Variants in GJC1 observed in about 807,000 individuals in gnomAD.
GJC1 encodes gap junction protein gamma 1, also known as gap junction gamma-1 protein.
In GJC1, 5 loss-of-function variants were observed where a neutral mutation model predicts 29.3. The ratio of observed to expected loss-of-function variants is 0.17; its 90% CI spans 0.09 to 0.36. The LOEUF (loss-of-function observed/expected upper bound fraction) is 0.36. Ranked by LOEUF, GJC1 falls within the 10% of genes least tolerant of loss-of-function variation. The pLI, the probability that GJC1 is intolerant of heterozygous loss-of-function variation, is 1.00. For synonymous variants in GJC1, 177 were observed against 183.3 expected, an observed-to-expected ratio of 0.97 and a Z score of 0.28; for missense variants, 310 against 496.2, an observed-to-expected ratio of 0.62 and a Z score of 3.56.
intron 2 of GJC1, among the ~76,000 whole-genome samples, chr17:44,806,896 TAAG>T (rs1171166136): frequency 1.3e-5 from 2 of 151,896 alleles, no homozygotes; most frequent in East Asian, 1.9e-4. Context: ...TAAAAGGGAT[TAAG>T]AAGATGGTAC....
Position 44,805,334 on chromosome 17 carries a change from GCT to G in GJC1, c.482_483del (p.Lys161ThrfsTer2). 1 of 1,614,204 alleles carries G rather than the reference GCT, an allele frequency of 6.2e-7. No homozygotes were observed. The highest frequency in any genetic ancestry group is 8.5e-7 in the Non-Finnish European group (1 of 1,180,026). On this transcript the variant is annotated frameshift_variant, in exon 3 of 3. Transcript: ENST00000592524. LOFTEE classifies it high-confidence loss of function. This position sits in a 1 kb window ranked among gnomAD's most constrained non-coding sequence, Gnocchi z 5.1. ...TCCCGAATCCGTCGTCGGCCATCAT[GCT>G]TAGGTTTGGGTTGGCTCTGCTCTTT... Reference protein sequence around the residue: ...ENKEQSQPKPKHDGRRRIRED... With the variant: ...ENKEQSQPKPXHDGRRRIRED...
rs188432869 is a variant in GJC1, at chr17:44,810,382, T to C, written c.-96-2913A>G. 4.2e-3 allele frequency among the ~76,000 whole-genome samples: 643 copies of C among 152,322 alleles called. 1 individual carries two copies. The highest frequency in any genetic ancestry group is 6.6e-3 in the Non-Finnish European group (448 of 68,022). ...AATAAAATTTTCTTGGGGGGAAGAA[T>C]TGGTGATAAATCCTTCAGAGCTTAT... is the stretch of plus-strand genomic sequence containing the variant. On this transcript the variant is annotated intron_variant, in intron 1 of 2. Coordinates refer to ENST00000592524, the MANE Select transcript of GJC1 (RefSeq NM_005497.4).
chr17:44,809,194 G>A (rs2049945988), intron 1 of GJC1, among the ~76,000 whole-genome samples: 1 of 152,160 alleles, frequency 6.6e-6, no homozygotes, highest in African/African-American at 2.4e-5. Context: ...TTGGGAGCTT[G>A]AGACTGCAAT....
At chr17:44,811,112 T>C (rs1444161350) in intron 1 of GJC1, among the ~76,000 whole-genome samples, 1 of 151,956 alleles carries the variant, frequency 6.6e-6, no homozygotes, top group Non-Finnish European at 1.5e-5. Flanking sequence ...AGTTTCGCTT[T>C]TGTTGCCCAA....
chr17:44,796,385 A>G (rs1470168866), downstream of GJC1, among the ~76,000 whole-genome samples: 1 of 152,168 alleles, frequency 6.6e-6, no homozygotes, highest in East Asian at 1.9e-4. Flanking sequence ...TCACTGATAG[A>G]TTATTTGGCT....
intron 2 of GJC1, among the ~76,000 whole-genome samples, chr17:44,806,917 A>G (rs1177717086): frequency 1.3e-5 from 2 of 152,150 alleles, no homozygotes; most frequent in African/African-American, 4.8e-5. Flanking sequence ...TACAGCTACA[A>G]ACTGCTGGCA....
At chr17:44,813,461 C>T (rs2050006709) in intron 1 of GJC1, among the ~76,000 whole-genome samples, 1 of 147,956 alleles carries the variant, frequency 6.8e-6, no homozygotes, top group Non-Finnish European at 1.5e-5. Context: ...GGATACTCTT[C>T]CCTTTCCTCT....
chr17:44,797,309 T>C (rs1318813140), downstream of GJC1, among the ~76,000 whole-genome samples: 1 of 152,178 alleles, frequency 6.6e-6, no homozygotes, highest in Non-Finnish European at 1.5e-5. Flanking sequence ...GGTTTCACCA[T>C]GTTAGCCAGA....
chr17:44,804,798 C>T lies in GJC1; in HGVS notation c.1020G>A (p.Arg340=). 1 of 1,614,210 alleles carries T rather than the reference C, an allele frequency of 6.2e-7. No homozygotes were observed. The highest frequency in any genetic ancestry group is 1.7e-5 in the Admixed American group (1 of 60,022). ...AGCGTTCCTGAGCCATCCTGATCTC[C>T]CGCTGCAGAGCCTCCAGGTCAGCTG... ...NLPADLEALQ[R]EIRMAQERLD... is the part of the protein sequence containing the mutation. The change falls in exon 3 of 3, where the codon CGG becomes CGA. Residue 340 remains arginine, a synonymous_variant. Transcript: ENST00000592524.
intron 1 of GJC1, among the ~76,000 whole-genome samples, chr17:44,817,277 C>T (rs1347001664): frequency 2.6e-5 from 4 of 152,144 alleles, no homozygotes; most frequent in Non-Finnish European, 5.9e-5. Flanking sequence ...GTAGTGAAGC[C>T]AGAATTTGAA....
At chr17:44,826,203 T>C (rs2050174350) in intron 1 of GJC1, among the ~76,000 whole-genome samples, 1 of 152,146 alleles carries the variant, frequency 6.6e-6, no homozygotes, top group Non-Finnish European at 1.5e-5. Context: ...ATTATAAGCA[T>C]CAGCCACCAC....
intron 1 of GJC1, among the ~76,000 whole-genome samples, chr17:44,819,902 G>A (rs1262500641): frequency 6.6e-6 from 1 of 151,870 alleles, no homozygotes; most frequent in Non-Finnish European, 1.5e-5. Context: ...TCGTCACCCA[G>A]GCTGTAGTGC....
At chr17:44,827,625 G>A (rs904398350) in intron 1 of GJC1, among the ~76,000 whole-genome samples, 3 of 151,766 alleles carry the variant, frequency 2.0e-5, no homozygotes, top group Non-Finnish European at 2.9e-5. Context: ...GGGCATCATA[G>A]CAATGTCTTT....
chr17:44,804,568 T>C lies in GJC1; in HGVS notation c.*59A>G. 7.9e-7 allele frequency: 1 copy of C among 1,267,230 alleles called. No individual in the cohort carries two copies. Among genetic ancestry groups the C allele is most frequent in the Non-Finnish European group, 1.1e-6 (1 of 892,914 alleles). The allele number at this position is 1,267,230 out of a possible 1,614,324, so 78.5% of individuals were successfully genotyped here. On this transcript the variant is annotated 3_prime_UTR_variant, in exon 3 of 3. Transcript: ENST00000592524. ...AATGTTTACTCAATGGAAGTCATTA[T>C]TCAGTGAGCTGCTGCTTACCATAAA...
rs763467818 is a variant in GJC1 at position 44,804,763 on chromosome 17, G to A, written c.1055C>T (p.Ala352Val). ...IRMAQERLDL[A>V]VQAYSHQNNP... is the part of the protein sequence containing the mutation. ...GTTTTGGTGACTGTAGGCCTGAACT[G>A]CCAGATCCAAGCGTTCCTGAGCCAT... Residue 352 changes from alanine (A) to valine (V), a missense_variant, in exon 3 of 3, where the codon GCA becomes GTA. Transcript: ENST00000592524. The A allele has an allele frequency of 2.5e-6, 4 of 1,614,150 alleles. No individual in the cohort carries two copies. In the East Asian group the frequency reaches 8.9e-5, roughly 36 times the overall value.
intron 1 of GJC1, among the ~76,000 whole-genome samples, chr17:44,815,540 C>G (rs955541106): frequency 6.6e-6 from 1 of 152,130 alleles, no homozygotes; most frequent in Non-Finnish European, 1.5e-5. Flanking sequence ...ACCTCCACCT[C>G]TTCAGCACTG....
chr17:44,819,637 G>A (rs567001879), intron 1 of GJC1, among the ~76,000 whole-genome samples: 9 of 151,550 alleles, frequency 5.9e-5, no homozygotes, highest in East Asian at 3.9e-4. Context: ...CAGCCTGGGC[G>A]ACAGAGCGAG....
intron 1 of GJC1, among the ~76,000 whole-genome samples, chr17:44,822,196 C>CAAAA (rs59152296): frequency 6.3e-5 from 3 of 47,552 alleles, no homozygotes; most frequent in African/African-American, 1.4e-4. Flanking sequence ...GACTCCGTCT[C>CAAAA]AAAAAAAAAA....
At chr17:44,831,234 C>T (rs2145390050), upstream of GJC1, among the ~76,000 whole-genome samples, 1 of 152,344 alleles carries the variant, frequency 6.6e-6, no homozygotes, top group East Asian at 1.9e-4. Context: ...GCATCTAATG[C>T]ACTGACCAGT....
Sources: gnomAD v4.1 joint callset for allele counts (sites outside exome capture counted in the v4.1 genomes callset) on GRCh38, gnomAD v4.1.1 for gene constraint, Gnocchi (gnomAD v3.1) non-coding constraint, MANE v1.5 for transcripts, NCBI Gene and HGNC (gene_info 2026-07-23, HGNC 2026-07-21) for gene names.